Variants in SH3BP2 observed in about 807,000 individuals in gnomAD.
The protein encoded by SH3BP2 is SH3 domain-binding protein 2.
Under a neutral mutation model 56.2 loss-of-function variants are expected in SH3BP2, and 38 were observed. That is an observed-to-expected ratio of 0.68 (90% CI 0.52 to 0.89). SH3BP2 has a LOEUF of 0.89. Among genes scored for constraint, SH3BP2 ranks in the 40% least tolerant of loss-of-function variants. SH3BP2 has a pLI of 0.00. For missense variants in SH3BP2, 748 were observed against 762.6 expected (o/e 0.98, Z 0.23); for synonymous variants, 346 against 316.7 (o/e 1.09, Z -0.98).
rs556356781 is a variant in SH3BP2, at chr4:2,799,099, A to G, written c.-5+5961A>G. 2,576 of 985,436 alleles carry G rather than the reference A, an allele frequency of 2.6e-3. 5 individuals are homozygous for G. Among genetic ancestry groups the G allele is most frequent in the Non-Finnish European group, 2.8e-3 (2,325 of 829,988 alleles). The allele number at this position is 985,436 out of a possible 1,614,324, so 61.0% of individuals were successfully genotyped here. On this transcript the variant is annotated intron_variant, in intron 1 of 12. Transcript: ENST00000503393. ...GGTGCAGCCTCAGCCTCCACCCGCC[A>G]CCCGTACCCGCCCTGCCTCAGGACT...
At chr4:2,799,340 A>G (rs1427319546) in intron 1 of SH3BP2, 5 of 979,170 alleles carry the variant, frequency 5.1e-6, no homozygotes, top group Non-Finnish European at 6.1e-6. Flanking sequence ...AAGTGGAGGG[A>G]GGGGCAGTGG....
chr4:2,811,923 G>A (rs1242544632), intron 1 of SH3BP2: 1 of 204,050 alleles, frequency 4.9e-6, no homozygotes, highest in African/African-American at 2.4e-5. Context: ...ATCCCTGTGT[G>A]TGTTGTAAAT....
intron 2 of SH3BP2, among the ~76,000 whole-genome samples, chr4:2,821,388 T>C (rs1724297257): frequency 6.6e-6 from 1 of 152,108 alleles, no homozygotes; most frequent in Non-Finnish European, 1.5e-5. Context: ...GTTGAGCTGT[T>C]CTCCTCTTTG....
intron 3 of SH3BP2, among the ~76,000 whole-genome samples, chr4:2,823,907 AG>A (rs1724448265): frequency 2.0e-5 from 3 of 152,180 alleles, no homozygotes; most frequent in Non-Finnish European, 4.4e-5. Flanking sequence ...GCTGGCACAG[AG>A]CTCCGGGGTC....
chr4:2,817,070 C>T (rs1482081379), intron 1 of SH3BP2, among the ~76,000 whole-genome samples: 1 of 152,216 alleles, frequency 6.6e-6, no homozygotes, highest in Non-Finnish European at 1.5e-5. Flanking sequence ...GGGGCTGAGG[C>T]CTGCAAGTGG....
intron 5 of SH3BP2, chr4:2,826,696 G>A: frequency 2.9e-6 from 1 of 342,486 alleles, no homozygotes; most frequent in South Asian, 2.2e-5. Flanking sequence ...ATGTTGCTCT[G>A]TGTGTGTGTG....
At chr4:2,818,357 C>G (rs1272058240) in intron 1 of SH3BP2, 4 of 1,180,238 alleles carry the variant, frequency 3.4e-6, no homozygotes, top group Non-Finnish European at 4.2e-6. Context: ...TGGATCGCCC[C>G]GGGGAAGCCG....
intron 1 of SH3BP2, among the ~76,000 whole-genome samples, chr4:2,815,963 C>T (rs767120951): frequency 4.3e-4 from 65 of 152,282 alleles, no homozygotes; most frequent in Non-Finnish European, 7.4e-4. Flanking sequence ...CTAACTCTTC[C>T]TTTCATTTTT....
Position 2,829,866 on chromosome 4 carries a change from T to A in SH3BP2, c.960T>A (p.Ala320=). 6.2e-7 allele frequency: 1 copy of A among 1,613,798 alleles called. No homozygotes were observed. Among genetic ancestry groups the A allele is most frequent in the East Asian group, 2.2e-5 (1 of 44,878 alleles). Residue 320 remains alanine (A), a synonymous_variant, in exon 8 of 13, where the codon GCT becomes GCA. Transcript: ENST00000503393. The surrounding 1 kb of genome is among the most constrained non-coding windows in gnomAD (Gnocchi z 4.9). ...ACGGGGCCTGCTCCACTTCCAGTGC[T>A]GCCATCATGGCCACTGCCACCTCCA... ...PGHGACSTSS[A]AIMATATSRN... is the part of the protein sequence containing the mutation.
At position 2,833,044 on chromosome 4, in the gene SH3BP2, G is replaced by C. The variant is rs1295522318; in HGVS notation, c.1543G>C (p.Glu515Gln). 2 of 1,613,996 alleles carry C rather than the reference G, an allele frequency of 1.2e-6. No homozygotes were observed. Among genetic ancestry groups the C allele is most frequent in the African/African-American group, 2.7e-5 (2 of 74,918 alleles). The change falls in exon 12 of 13, where the codon GAG (glutamate) becomes CAG (glutamine). Residue 515 changes from glutamate (E) to glutamine (Q), a missense_variant. Glu to Gln is a conservative substitution (Grantham distance 29, BLOSUM62 2). Transcript: ENST00000503393. ...SNKVRNYRIF[E>Q]KDSKFYLEGE... ...CAAAGTGAGGAACTATCGCATTTTT[G>C]AGAAGGTGAGAGGGCTCTGAGTGGG...
At chr4:2,832,856 A>C in intron 11 of SH3BP2, 134 bp from the exon 12 acceptor site, 1 of 865,308 alleles carries the variant, frequency 1.2e-6, no homozygotes, top group South Asian at 1.3e-5. Flanking sequence ...GGTGGTCTGG[A>C]GTCCCTCCCC....
chr4:2,827,591 C>T lies in SH3BP2; in HGVS notation c.518-15C>T. ...GGGCCGGTTTGGCTCTCACCACCCC[C>T]CTCTCCCCATGCAGACTATGAGCAC... On this transcript the variant is annotated splice_polypyrimidine_tract_variant and intron_variant, in intron 6 of 12. Transcript: ENST00000503393. 5 of 1,582,746 alleles carry T rather than the reference C, an allele frequency of 3.2e-6. No homozygotes were observed. The highest frequency in any genetic ancestry group is 4.3e-6 in the Non-Finnish European group (5 of 1,163,774).
At chr4:2,813,618 C>T (rs114758171) in intron 1 of SH3BP2, among the ~76,000 whole-genome samples, 1,834 of 152,288 alleles carry the variant, frequency 0.012, 12 homozygotes, top group Non-Finnish European at 0.018. Flanking sequence ...GGCTTCAGGA[C>T]ACGGAGACAC....
intron 1 of SH3BP2, among the ~76,000 whole-genome samples, chr4:2,803,601 G>C (rs1270952030): frequency 6.6e-6 from 1 of 152,190 alleles, no homozygotes; most frequent in Non-Finnish European, 1.5e-5. Flanking sequence ...GTGCCCAGGA[G>C]CTCATCCCAG....
chr4:2,827,094 T>A, intron 5 of SH3BP2, 136 bp from the exon 6 acceptor site: 1 of 731,866 alleles, frequency 1.4e-6, no homozygotes, highest in Non-Finnish European at 2.4e-6. Flanking sequence ...TGTGCATGTG[T>A]TTGTCAGTGT....
At chr4:2,812,074 CAG>C in intron 1 of SH3BP2, 1 of 944,166 alleles carries the variant, frequency 1.1e-6, no homozygotes, top group Non-Finnish European at 1.4e-6. Flanking sequence ...GCGCTGGAGC[CAG>C]AGAGCCCTGG....
intron 5 of SH3BP2, among the ~76,000 whole-genome samples, chr4:2,825,928 G>C (rs893264357): frequency 6.6e-6 from 1 of 152,244 alleles, no homozygotes; most frequent in Non-Finnish European, 1.5e-5. Context: ...TTCCTGGCCC[G>C]AGACGATGTG....
In SH3BP2 at chr4:2,829,708, C is replaced by T. The variant is rs1724868780; in HGVS notation, c.802C>T (p.Pro268Ser). ...GTGCCCGAGGCGGGCTGAGCCTTGCCCCAGGGTACCTGCTACCCCCCGAAG... is the reference window on the plus strand; with the variant it reads ...GTGCCCGAGGCGGGCTGAGCCTTGCTCCAGGGTACCTGCTACCCCCCGAAG... ...PLCPRRAEPC[P>S]RVPATPRRMS... The change falls in exon 8 of 13, where the codon CCC becomes TCC. Residue 268 changes from proline to serine, a missense_variant. Coordinates refer to ENST00000503393, the MANE Select transcript of SH3BP2 (RefSeq NM_001122681.2). The surrounding 1 kb of genome is among the most constrained non-coding windows in gnomAD (Gnocchi z 4.9). 1 of 1,612,810 alleles carries T rather than the reference C, an allele frequency of 6.2e-7. No homozygotes were observed. The highest frequency in any genetic ancestry group is 8.5e-7 in the Non-Finnish European group (1 of 1,179,790).
intron 1 of SH3BP2, chr4:2,809,899 A>C (rs1324493352): frequency 2.4e-6 from 2 of 836,276 alleles, no homozygotes; most frequent in East Asian, 1.2e-4. Context: ...GCTCAGGGGC[A>C]GGGGAGCAGC....
Sources: allele counts gnomAD v4.1 joint callset (sites outside exome capture counted in the v4.1 genomes callset), GRCh38; gene constraint gnomAD v4.1.1; non-coding constraint Gnocchi (gnomAD v3.1); transcripts MANE v1.5; gene names NCBI Gene and HGNC (gene_info 2026-07-23, HGNC 2026-07-21).